The following CHST9 variants were observed in gnomAD, a reference collection of about 807,000 sequenced individuals.
CHST9 encodes the protein carbohydrate sulfotransferase 9.
Under a neutral mutation model 44.4 loss-of-function variants are expected in CHST9, and 41 were observed. That is an observed-to-expected ratio of 0.92 (90% CI 0.72 to 1.20). The LOEUF (loss-of-function observed/expected upper bound fraction) is 1.20. Ranked by LOEUF, CHST9 falls within the 50% of genes most tolerant of loss-of-function variation. CHST9 has a pLI of 0.00. For missense variants in CHST9, 504 were observed against 516.5 expected (o/e 0.98, Z 0.23); for synonymous variants, 171 against 178.4 (o/e 0.96, Z 0.33).
intron 4 of CHST9, among the ~76,000 whole-genome samples, chr18:26,966,055 C>T (rs547208219): frequency 5.9e-5 from 9 of 152,330 alleles, no homozygotes; most frequent in Middle Eastern, 3.4e-3. Flanking sequence ...ATTCATAATG[C>T]TGCTTTTAAT....
At chr18:26,967,441 C>A (rs1199887886) in intron 4 of CHST9, among the ~76,000 whole-genome samples, 1 of 152,064 alleles carries the variant, frequency 6.6e-6, no homozygotes, top group Non-Finnish European at 1.5e-5. Flanking sequence ...ATTGTAAACA[C>A]CTTTTTGTTG....
chr18:26,968,812 A>T (rs563285171), intron 4 of CHST9, among the ~76,000 whole-genome samples: 14 of 152,216 alleles, frequency 9.2e-5, no homozygotes, highest in Admixed American at 5.2e-4. Flanking sequence ...TTTTGGTTTA[A>T]TGTTTGAGGA....
chr18:26,927,406 G>T (rs1225741562), intron 5 of CHST9, among the ~76,000 whole-genome samples: 1 of 151,970 alleles, frequency 6.6e-6, no homozygotes, highest in African/African-American at 2.4e-5. Flanking sequence ...GGGGATCCGC[G>T]CTCAGCATAT....
At chr18:27,024,966 T>G (rs942908294) in intron 3 of CHST9, among the ~76,000 whole-genome samples, 1 of 151,664 alleles carries the variant, frequency 6.6e-6, no homozygotes, top group Non-Finnish European at 1.5e-5. Context: ...AGAACAATCT[T>G]ACAGAGCAGT....
intron 4 of CHST9, among the ~76,000 whole-genome samples, chr18:27,002,359 A>G (rs533580662): frequency 6.6e-6 from 1 of 152,318 alleles, no homozygotes; most frequent in Non-Finnish European, 1.5e-5. Context: ...ATATTCCTAG[A>G]AACCAGGAAG....
At chr18:27,122,408 T>C (rs1160660779) in intron 2 of CHST9, among the ~76,000 whole-genome samples, 2 of 152,192 alleles carry the variant, frequency 1.3e-5, no homozygotes, top group Non-Finnish European at 2.9e-5. Context: ...TTACATTGAA[T>C]ACAAATCGGA....
rs71353422 is a variant in CHST9, at chr18:27,012,217, C to A, written c.202+11899G>T. ...GGGGGAGCCAACCCCCCTGTGCCAT[C>A]AAAAATCTGAGTATAACTTTTGACT... is the stretch of plus-strand genomic sequence containing the variant. On this transcript the variant is annotated intron_variant, in intron 4 of 5. Coordinates refer to ENST00000618847, the MANE Select transcript of CHST9 (RefSeq NM_031422.6). 8.3e-3 allele frequency among the ~76,000 whole-genome samples: 1,259 copies of A among 152,212 alleles called. 6 individuals carry two copies. Among genetic ancestry groups the A allele is most frequent in the Non-Finnish European group, 0.013 (893 of 68,016 alleles).
intron 5 of CHST9, among the ~76,000 whole-genome samples, chr18:26,929,915 A>G (rs1408975438): frequency 3.3e-5 from 5 of 152,160 alleles, no homozygotes; most frequent in Non-Finnish European, 7.4e-5. Flanking sequence ...ACCCTGCCCA[A>G]CATGCCAATG....
intron 2 of CHST9, among the ~76,000 whole-genome samples, chr18:27,074,253 A>G (rs1221897753): frequency 6.6e-6 from 1 of 152,206 alleles, no homozygotes; most frequent in Non-Finnish European, 1.5e-5. Flanking sequence ...CCAGCTTAGC[A>G]TGAAGGATCT....
At chr18:27,149,209 C>T (rs1478796807) in intron 1 of CHST9, among the ~76,000 whole-genome samples, 1 of 139,618 alleles carries the variant, frequency 7.2e-6, no homozygotes, top group Admixed American at 7.4e-5. Flanking sequence ...TCTGTAGGTG[C>T]CTGTTCACTC....
intron 4 of CHST9, among the ~76,000 whole-genome samples, chr18:27,008,246 A>G (rs1335738760): frequency 6.6e-6 from 1 of 152,222 alleles, no homozygotes; most frequent in African/African-American, 2.4e-5. Flanking sequence ...CTGGAACATG[A>G]AAGTCATCCA....
At chr18:27,028,790 C>T (rs1327164752) in intron 3 of CHST9, among the ~76,000 whole-genome samples, 1 of 151,802 alleles carries the variant, frequency 6.6e-6, no homozygotes, top group African/African-American at 2.4e-5. Context: ...CCTCGTGATC[C>T]GCCCGTCTCA....
intron 4 of CHST9, among the ~76,000 whole-genome samples, chr18:26,983,598 T>C (rs768252156): frequency 6.6e-6 from 1 of 152,180 alleles, no homozygotes; most frequent in Non-Finnish European, 1.5e-5. Context: ...ATCTCTTTTG[T>C]TTATAAATTA....
intron 1 of CHST9, among the ~76,000 whole-genome samples, chr18:27,155,756 T>C (rs983947926): frequency 6.6e-6 from 1 of 152,136 alleles, no homozygotes; most frequent in African/African-American, 2.4e-5. Context: ...CCAGACATAT[T>C]CTAGTTTGTT....
At chr18:27,017,437 G>A (rs1038958637) in intron 4 of CHST9, among the ~76,000 whole-genome samples, 1 of 152,198 alleles carries the variant, frequency 6.6e-6, no homozygotes, top group African/African-American at 2.4e-5. Context: ...TAAAAAAGGA[G>A]TGAATGACTG....
rs1164390286 is a variant in CHST9, at chr18:27,089,809, A to ATT, written c.122-41307_122-41306insAA. On this transcript the variant is annotated intron_variant, in intron 2 of 5. Transcript: ENST00000618847. ...CCTCTGCAGCATCTGTTGTTTCCTG[A>ATT]CTTTTTTTTTTTTTTTTTTGAGACA... Among the ~76,000 whole-genome samples, 4 of 73,858 alleles carry ATT rather than the reference A, an allele frequency of 5.4e-5. No individual in the cohort carries two copies. The East Asian group carries it at 2.0e-3, about 37-fold the overall frequency. The allele number at this position is 73,858 out of a possible 152,430, so 48.5% of individuals were successfully genotyped here. A position where few individuals can be genotyped will look rare whatever the true frequency, so the allele number is the denominator to read the frequency against.
chr18:27,174,404 CTT>C (rs1490692081), intron 1 of CHST9, among the ~76,000 whole-genome samples: 1 of 151,818 alleles, frequency 6.6e-6, no homozygotes, highest in Admixed American at 6.6e-5. Context: ...TCAGAAGAGA[CTT>C]TTGTGTCATT....
At chr18:27,081,117 C>T (rs1268209703) in intron 2 of CHST9, among the ~76,000 whole-genome samples, 4 of 152,084 alleles carry the variant, frequency 2.6e-5, no homozygotes, top group African/African-American at 9.7e-5. Context: ...GGTGGGGGCA[C>T]TTTTTAAAGA....
chr18:27,146,239 C>G (rs117526736), intron 1 of CHST9, among the ~76,000 whole-genome samples: 61 of 152,150 alleles, frequency 4.0e-4, no homozygotes, highest in African/African-American at 1.4e-3. Flanking sequence ...GACATATCCT[C>G]CTGGGTGAGA....
Sources: gnomAD v4.1 joint callset for allele counts (sites outside exome capture counted in the v4.1 genomes callset) on GRCh38, gnomAD v4.1.1 for gene constraint, MANE v1.5 for transcripts, NCBI Gene and HGNC (gene_info 2026-07-23, HGNC 2026-07-21) for gene names.